SPATA21: variants seen among roughly 807,000 people sequenced by gnomAD.
SPATA21 encodes the protein spermatogenesis associated 21.
SPATA21 carries 47 observed loss-of-function variants against 54.8 expected under a neutral mutation model. The observed-to-expected ratio is 0.86, with a 90% CI of 0.68 to 1.09. The LOEUF (loss-of-function observed/expected upper bound fraction) is 1.09, where lower values mean the gene tolerates loss of function less well. Ranked by LOEUF, SPATA21 falls within the 50% of genes least tolerant of loss-of-function variation. The probability of loss-of-function intolerance (pLI) is 0.00; values close to 1 mark genes in which losing one functional copy is unlikely to be tolerated. For missense variants in SPATA21, 599 were observed against 596.4 expected (o/e 1.00, Z -0.05); for synonymous variants, 245 against 235.3 (o/e 1.04, Z -0.38).
chr1:16,412,774 C>T (rs2085888425), intron 5 of SPATA21, among the ~76,000 whole-genome samples: 1 of 151,564 alleles, frequency 6.6e-6, no homozygotes, highest in South Asian at 2.1e-4. Flanking sequence ...CATTTACCAA[C>T]TTAACGATTT....
chr1:16,415,324 G>A (rs1314742533), intron 5 of SPATA21, among the ~76,000 whole-genome samples: 1 of 148,504 alleles, frequency 6.7e-6, no homozygotes, highest in Non-Finnish European at 1.5e-5. Context: ...CTGGGTGGCA[G>A]AATGTGACCC....
intron 3 of SPATA21, among the ~76,000 whole-genome samples, chr1:16,426,476 C>T (rs531468582): frequency 4.0e-4 from 58 of 146,396 alleles, no homozygotes; most frequent in African/African-American, 1.3e-3. Context: ...CCAGGTTGGT[C>T]TTGAACTCCT....
intron 3 of SPATA21, among the ~76,000 whole-genome samples, chr1:16,426,251 A>ATATATT (rs903758654): frequency 4.0e-5 from 6 of 148,604 alleles, no homozygotes; most frequent in African/African-American, 1.3e-4. Context: ...ATGCGTATGC[A>ATATATT]TACTTATTTA....
At position 16,403,826 on chromosome 1, in the gene SPATA21, T is replaced by C. The variant is rs760438571; in HGVS notation, c.902A>G (p.Asp301Gly). The C allele has an allele frequency of 6.2e-6, 10 of 1,610,716 alleles. No homozygotes were observed. The highest frequency in any genetic ancestry group is 8.5e-6 in the Non-Finnish European group (10 of 1,178,304). ...FCSVEQNALS[D>G]MAPHNPHTLL... Reference sequence around the variant, plus strand: ...AGTGTGGGGGTTGTGGGGAGCCATGTCCGACAGGGCGTTCTGTTCTGGAGA... The same window carrying C: ...AGTGTGGGGGTTGTGGGGAGCCATGCCCGACAGGGCGTTCTGTTCTGGAGA... The change falls in exon 10 of 13, where the codon GAC becomes GGC. Residue 301 changes from aspartate (D) to glycine (G), a missense_variant. By Grantham distance (94) the Asp-to-Gly change is moderately conservative. Coordinates refer to ENST00000335496, the MANE Select transcript of SPATA21 (RefSeq NM_198546.1).
intron 3 of SPATA21, chr1:16,425,074 A>G (rs568749888): frequency 8.4e-6 from 3 of 358,142 alleles, no homozygotes; most frequent in Middle Eastern, 9.8e-4. Flanking sequence ...ATGTGCCACC[A>G]CACCCGGCTA....
At chr1:16,395,929 G>A (rs1011898788), downstream of SPATA21, 31 of 152,678 alleles carry the variant, frequency 2.0e-4, no homozygotes, top group Admixed American at 1.9e-3. Context: ...GGCTAGCTCT[G>A]TAGGCTCGGA....
rs139541779 is a variant in SPATA21, at chr1:16,432,837, C to G, written c.-99G>C. 6.6e-6 allele frequency: 1 copy of G among 152,376 alleles called. No individual in the cohort carries two copies. Among genetic ancestry groups the G allele is most frequent in the South Asian group, 2.1e-4 (1 of 4,824 alleles). 9.4% of individuals were successfully genotyped at this position (152,376 alleles called of 1,614,324 possible). A position where few individuals can be genotyped will look rare whatever the true frequency, so the allele number is the denominator to read the frequency against. On this transcript the variant is annotated 5_prime_UTR_variant, in exon 2 of 13. Transcript: ENST00000335496. The stretch of plus-strand genomic sequence containing the variant: ...CTTCCACTTTAAATCATGGCAGGCC[C>G]GCCAGCATCCACGGAGGAACCTTCC...
Position 16,399,575 on chromosome 1 carries a change from G to A in SPATA21, c.1175-54C>T, listed in dbSNP as rs1020412759. On this transcript the variant is annotated intron_variant, in intron 11 of 12. Transcript: ENST00000335496. Reference sequence around the variant, plus strand: ...TGCTTCACAGCATGCCCAGCCTTGGGAAGCAGGCAGATTCAAGTGAAATCC... The same window carrying A: ...TGCTTCACAGCATGCCCAGCCTTGGAAAGCAGGCAGATTCAAGTGAAATCC... The A allele has an allele frequency of 2.6e-6, 4 of 1,562,652 alleles. No homozygotes were observed. The African/African-American group carries it at 4.1e-5, about 16-fold the overall frequency.
chr1:16,403,895 C>A lies in SPATA21; in HGVS notation c.884-51G>T, dbSNP rs373679189. On this transcript the variant is annotated intron_variant, in intron 9 of 12. Transcript: ENST00000335496. ...GTTACCACTGGGCAGTCCTGAATGC[C>A]CTCTTCTCTCCCCGCAACCAACCTC... 5.0e-6 allele frequency: 8 copies of A among 1,612,188 alleles called. No homozygotes were observed. In the African/African-American group the frequency reaches 1.1e-4, roughly 22 times the overall value.
chr1:16,431,405 G>A lies in SPATA21; in HGVS notation c.-34C>T, dbSNP rs1485100960. ...CGCCAACACGGGTGCCAAGTGAGGG[G>A]CATCACCTAGTGTGCTCCTACAGGA... On this transcript the variant is annotated 5_prime_UTR_variant, in exon 3 of 13. Coordinates refer to ENST00000335496, the MANE Select transcript of SPATA21 (RefSeq NM_198546.1). 3.1e-6 allele frequency: 5 copies of A among 1,613,302 alleles called. No homozygotes were observed. In the Admixed American group the frequency reaches 6.7e-5, roughly 22 times the overall value.
intron 5 of SPATA21, among the ~76,000 whole-genome samples, chr1:16,415,022 C>G (rs563021944): frequency 6.6e-6 from 1 of 151,820 alleles, no homozygotes; most frequent in African/African-American, 2.4e-5. Context: ...TTCTGTCAAG[C>G]CTAAAACAAA....
chr1:16,418,156 G>C (rs1310865076), intron 5 of SPATA21, among the ~76,000 whole-genome samples: 1 of 152,214 alleles, frequency 6.6e-6, no homozygotes, highest in South Asian at 2.1e-4. Context: ...GAGCTAAATT[G>C]TGCCCTCTCC....
chr1:16,426,296 T>A (rs1237577583), intron 3 of SPATA21, among the ~76,000 whole-genome samples: 1 of 151,474 alleles, frequency 6.6e-6, no homozygotes, highest in Non-Finnish European at 1.5e-5. Context: ...TCTTGCTCTG[T>A]CACCCAGGTT....
chr1:16,402,964 AAAAT>A (rs761773608), intron 10 of SPATA21, among the ~76,000 whole-genome samples: 7 of 152,188 alleles, frequency 4.6e-5, no homozygotes, highest in Non-Finnish European at 1.0e-4. Flanking sequence ...AACAAGCATT[AAAAT>A]ATGTTCATTT....
intron 3 of SPATA21, chr1:16,425,618 A>G: frequency 6.5e-7 from 1 of 1,550,330 alleles, no homozygotes; most frequent in Non-Finnish European, 8.7e-7. Context: ...CAGCTGCTGC[A>G]GCCCTTCAGG....
Position 16,399,358 on chromosome 1 carries a change from T to A in SPATA21, c.1338A>T (p.Gly446=). 6.2e-7 allele frequency: 1 copy of A among 1,612,888 alleles called. No individual in the cohort carries two copies. Among genetic ancestry groups the A allele is most frequent in the Non-Finnish European group, 8.5e-7 (1 of 1,179,392 alleles). The change falls in exon 12 of 13, where the codon GGA becomes GGT. Residue 446 remains glycine, a synonymous_variant. Coordinates refer to ENST00000335496, the MANE Select transcript of SPATA21 (RefSeq NM_198546.1). ...PDIRSPFFQS[G]SQGNREHNSD... The stretch of plus-strand genomic sequence containing the variant: ...TGGGCACCCACCTGTTTCCTTGAGA[T>A]CCTGACTGGAAGAAGGGGCTGCGGA...
chr1:16,420,726 G>A (rs1373332599), intron 5 of SPATA21, among the ~76,000 whole-genome samples: 1 of 152,024 alleles, frequency 6.6e-6, no homozygotes, highest in Non-Finnish European at 1.5e-5. Flanking sequence ...AGGGAGGGTG[G>A]TGGGTTTGGG....
At chr1:16,400,966 T>C in intron 10 of SPATA21, 74 bp from the exon 11 acceptor site, 1 of 1,510,716 alleles carries the variant, frequency 6.6e-7, no homozygotes, top group Non-Finnish European at 8.9e-7. Flanking sequence ...CCCCTATCTC[T>C]CTGGCCAGCT....
intron 5 of SPATA21, among the ~76,000 whole-genome samples, chr1:16,420,626 G>A (rs2086144973): frequency 6.6e-6 from 1 of 152,162 alleles, no homozygotes; most frequent in Non-Finnish European, 1.5e-5. Flanking sequence ...ATGTGGTGGG[G>A]GGAGGGGACG....
Sources: gnomAD v4.1 joint callset for allele counts (sites outside exome capture counted in the v4.1 genomes callset) on GRCh38, gnomAD v4.1.1 for gene constraint, MANE v1.5 for transcripts, NCBI Gene and HGNC (gene_info 2026-07-23, HGNC 2026-07-21) for gene names.